Variants in GNAS observed in about 807,000 individuals in gnomAD.
GNAS encodes the protein protein ALEX.
GNAS carries 8 observed loss-of-function variants against 54.5 expected under a neutral mutation model. The ratio of observed to expected loss-of-function variants is 0.15; its 90% CI spans 0.09 to 0.26. The LOEUF is 0.26. Ranked by LOEUF, GNAS falls within the 10% of genes least tolerant of loss-of-function variation. The pLI, the probability that GNAS is intolerant of heterozygous loss-of-function variation, is 1.00. For missense variants in GNAS, 170 were observed against 529.8 expected, an observed-to-expected ratio of 0.32 and a Z score of 6.67; for synonymous variants, 204 against 191.4, an observed-to-expected ratio of 1.07 and a Z score of -0.54.
At chr20:58,839,978 G>A (rs2085656739), upstream of GNAS, 12 of 976,372 alleles carry the variant, frequency 1.2e-5, no homozygotes, top group Non-Finnish European at 1.7e-5. Flanking sequence ...AGGAGGTGAG[G>A]CTGGGACCTC....
intron 1 of GNAS, chr20:58,854,096 C>T: frequency 6.2e-7 from 1 of 1,612,350 alleles, no homozygotes; most frequent in Non-Finnish European, 8.5e-7. Context: ...CCCTCTGGGT[C>T]CCAGGCGCCA....
chr20:58,899,690 GAC>G (rs965088671), intron 3 of GNAS, among the ~76,000 whole-genome samples: 28 of 150,954 alleles, frequency 1.9e-4, no homozygotes, highest in South Asian at 4.2e-4. Flanking sequence ...TGCATACACA[GAC>G]ACGCACACAC....
intron 6 of GNAS, chr20:58,908,855 C>T (rs1032804547): frequency 6.6e-6 from 3 of 451,624 alleles, no homozygotes; most frequent in Non-Finnish European, 1.2e-5. Flanking sequence ...AGAACAAAGC[C>T]CCACCACCGT....
chr20:58,852,478 C>G (rs1212650623), intron 1 of GNAS, among the ~76,000 whole-genome samples: 5 of 152,222 alleles, frequency 3.3e-5, no homozygotes. Flanking sequence ...AAGCCTTGCG[C>G]TCCGGACTAG....
chr20:58,895,268 TTTC>T (rs2089937991), intron 1 of GNAS: 2 of 365,208 alleles, frequency 5.5e-6, no homozygotes, highest in Admixed American at 3.9e-5. Flanking sequence ...TAACTTCAAT[TTTC>T]TTGTTTACCC....
At chr20:58,889,516 C>T, upstream of GNAS, 1 of 211,604 alleles carries the variant, frequency 4.7e-6, no homozygotes, top group Non-Finnish European at 8.1e-6. Flanking sequence ...TCTCCATTGG[C>T]GTGCCCAAGA....
chr20:58,855,654 GAA>G, intron 1 of GNAS: 1 of 704,570 alleles, frequency 1.4e-6, no homozygotes. Flanking sequence ...GGTGAGCCAG[GAA>G]CTGCCGGGGA....
At chr20:58,893,546 C>CT (rs1432348751) in intron 1 of GNAS, among the ~76,000 whole-genome samples, 1 of 152,128 alleles carries the variant, frequency 6.6e-6, no homozygotes, top group African/African-American at 2.4e-5. Flanking sequence ...TTGGTTTGCT[C>CT]TTTTTGCATA....
intron 1 of GNAS, among the ~76,000 whole-genome samples, chr20:58,844,815 AAACAAC>A: frequency 6.6e-6 from 1 of 152,146 alleles, no homozygotes; most frequent in Non-Finnish European, 1.5e-5. Context: ...AAACAAAACA[AAACAAC>A]AACAACAACA....
chr20:58,871,311 T>C (rs1408405486), intron 1 of GNAS, among the ~76,000 whole-genome samples: 1 of 151,858 alleles, frequency 6.6e-6, no homozygotes, highest in Non-Finnish European at 1.5e-5. Flanking sequence ...AAGAAGTAAA[T>C]AGAGATTAAA....
intron 1 of GNAS, among the ~76,000 whole-genome samples, chr20:58,868,968 G>A (rs1208673822): frequency 2.6e-5 from 4 of 152,268 alleles, no homozygotes; most frequent in Non-Finnish European, 4.4e-5. Flanking sequence ...GGCAGAACCC[G>A]CATCCCCCTC....
At chr20:58,902,757 A>G (rs112788040) in intron 3 of GNAS, among the ~76,000 whole-genome samples, 70,499 of 117,052 alleles carry the variant, frequency 0.6, 21,230 homozygotes, top group South Asian at 0.71. Flanking sequence ...TTTTTTTGAC[A>G]GAGTCTCACT....
In GNAS at chr20:58,840,895, C is replaced by T. The variant is rs1348969267; in HGVS notation, c.43+9C>T. On this transcript the variant is annotated intron_variant, in intron 1 of 12. Transcript: ENST00000306090. This position sits in a 1 kb window ranked among gnomAD's most constrained non-coding sequence, Gnocchi z 6.0. ...TGTTTTCATGGATTCAGGTTAGTTG[C>T]CCACCGCTAAACTGGGGAGCCTGAG... The T allele has an allele frequency of 6.2e-7, 1 of 1,612,080 alleles. No homozygotes were observed. The highest frequency in any genetic ancestry group is 1.7e-5 in the Admixed American group (1 of 59,978).
chr20:58,889,299 C>CT (rs1458936725), upstream of GNAS: 1 of 989,406 alleles, frequency 1.0e-6, no homozygotes, highest in African/African-American at 1.8e-5. Context: ...CGGCGCGGGG[C>CT]GGCGGCGGGC....
Position 58,892,154 on chromosome 20 carries a change from C to CCTCTTTCT in GNAS, c.139+304_139+311dup, listed in dbSNP as rs201484195. On this transcript the variant is annotated intron_variant, in intron 1 of 12. Coordinates refer to ENST00000371085, the MANE Select transcript of GNAS (RefSeq NM_000516.7). ...CTCTTGCTCTCGCTCTCGCTCTCCC[C>CCTCTTTCT]CTCTTTCTCTCTTTCTCTCTTTTTC... 2.7e-4 allele frequency: 259 copies of CCTCTTTCT among 964,268 alleles called. 4 individuals are homozygous for CCTCTTTCT. The African/African-American group carries it at 4.0e-3, about 15-fold the overall frequency. The allele number at this position is 964,268 out of a possible 1,614,324, so 59.7% of individuals were successfully genotyped here.
chr20:58,884,637 T>C (rs1456206943), intron 1 of GNAS: 1 of 152,250 alleles, frequency 6.6e-6, no homozygotes, highest in Non-Finnish European at 1.5e-5. Flanking sequence ...TGAGTTTCCA[T>C]CTTCAAGGCC....
chr20:58,843,511 G>A (rs1255218388), intron 1 of GNAS: 1 of 152,228 alleles, frequency 6.6e-6, no homozygotes, highest in Non-Finnish European at 1.5e-5. Context: ...ACTGGGGTTA[G>A]CATCTGAATA....
intron 1 of GNAS, among the ~76,000 whole-genome samples, chr20:58,892,964 G>GTGC (rs1337765839): frequency 2.0e-5 from 3 of 146,608 alleles, no homozygotes. Flanking sequence ...CACATTGAGA[G>GTGC]TGCTTTGTGA....
At chr20:58,854,893 C>T (rs1034356610) in intron 1 of GNAS, 20 of 1,594,050 alleles carry the variant, frequency 1.3e-5, no homozygotes, top group Non-Finnish European at 1.6e-5. Flanking sequence ...CCGCCTACTC[C>T]GCGGCCTACT....
Sources: allele counts gnomAD v4.1 joint callset (sites outside exome capture counted in the v4.1 genomes callset), GRCh38; gene constraint gnomAD v4.1.1; non-coding constraint Gnocchi (gnomAD v3.1); transcripts MANE v1.5; gene names NCBI Gene and HGNC (gene_info 2026-07-23, HGNC 2026-07-21).